The following PRKG1 variants were observed in gnomAD, a reference collection of about 807,000 sequenced individuals.
PRKG1 encodes the protein protein kinase cGMP-dependent 1.
In PRKG1, 35 loss-of-function variants were observed where a neutral mutation model predicts 88.1. The ratio of observed to expected loss-of-function variants is 0.40; its 90% confidence interval spans 0.30 to 0.53. The LOEUF is 0.53. Ranked by LOEUF, PRKG1 falls within the 20% of genes least tolerant of loss-of-function variation. The pLI is 0.59. For missense variants in PRKG1, 540 were observed against 839.8 expected (o/e 0.64, Z 4.41); for synonymous variants, 303 against 292.5 (o/e 1.04, Z -0.37).
chr10:51,825,971 G>C (rs565954436), intron 4 of PRKG1, among the ~76,000 whole-genome samples: 3 of 152,156 alleles, frequency 2.0e-5, no homozygotes, highest in Admixed American at 2.0e-4. Context: ...GGAGAAGCAG[G>C]TGGGTTTACA....
At chr10:51,508,741 T>C (rs1841304585) in intron 3 of PRKG1, among the ~76,000 whole-genome samples, 1 of 152,142 alleles carries the variant, frequency 6.6e-6, no homozygotes, top group Non-Finnish European at 1.5e-5. Flanking sequence ...GTTAATTCAA[T>C]GTGATTGAAA....
At chr10:51,990,751 G>C (rs985577490) in intron 5 of PRKG1, among the ~76,000 whole-genome samples, 114 of 152,078 alleles carry the variant, frequency 7.5e-4, no homozygotes, top group Non-Finnish European at 1.9e-4. Context: ...TCCAGTGTCT[G>C]TTGTTCCTCT....
intron 12 of PRKG1, 38 bp from the exon 13 acceptor site, chr10:52,280,751 A>T: frequency 1.9e-6 from 3 of 1,591,232 alleles, no homozygotes; most frequent in Non-Finnish European, 2.6e-6. Context: ...ACAGAAATTA[A>T]TTTTTTATAC....
chr10:51,194,565 C>T (rs1007372117), intron 2 of PRKG1, among the ~76,000 whole-genome samples: 1 of 152,008 alleles, frequency 6.6e-6, no homozygotes. Flanking sequence ...AAATGAGTTT[C>T]AACAGTCCTA....
At position 51,074,788 on chromosome 10, in the gene PRKG1, C is replaced by A; in HGVS notation, c.198C>A (p.Ser66Arg). The A allele has an allele frequency of 1.2e-6, 2 of 1,613,972 alleles. No individual in the cohort carries two copies. The highest frequency in any genetic ancestry group is 2.2e-5 in the South Asian group (2 of 91,060). Residue 66 changes from serine (S) to arginine (R), a missense_variant, in exon 1 of 18, where the codon AGC becomes AGA. Transcript: ENST00000373980. ...AGCAGGCGCAGAAGCAGAGCGCGAG[C>A]ACCTTGCAGGGCGAGCCGCGCACCA... ...ATQQAQKQSA[S>R]TLQGEPRTKR...
intron 2 of PRKG1, among the ~76,000 whole-genome samples, chr10:51,281,669 C>CT (rs1840301565): frequency 6.6e-6 from 1 of 152,154 alleles, no homozygotes; most frequent in South Asian, 2.1e-4. Context: ...CCTCTGCAGA[C>CT]TTAAGTGTCC....
chr10:51,951,794 A>T (rs1210149827), intron 5 of PRKG1, among the ~76,000 whole-genome samples: 1 of 152,204 alleles, frequency 6.6e-6, no homozygotes, highest in Non-Finnish European at 1.5e-5. Context: ...TCTAAGAGAA[A>T]GGTAACTGGA....
intron 1 of PRKG1, among the ~76,000 whole-genome samples, chr10:51,100,776 A>C (rs1844659745): frequency 6.6e-6 from 1 of 152,196 alleles, no homozygotes; most frequent in Admixed American, 6.5e-5. Flanking sequence ...GTAGACTCTT[A>C]AAGGAAGATG....
At chr10:51,402,302 A>G (rs748851906) in intron 2 of PRKG1, among the ~76,000 whole-genome samples, 4 of 152,160 alleles carry the variant, frequency 2.6e-5, no homozygotes, top group Admixed American at 6.6e-5. Context: ...GGCAAAATCT[A>G]TTTTCTCCAT....
chr10:51,411,506 T>G (rs1230854584), intron 2 of PRKG1, among the ~76,000 whole-genome samples: 2 of 152,174 alleles, frequency 1.3e-5, no homozygotes, highest in African/African-American at 4.8e-5. Context: ...TCTGCCCGTG[T>G]GTGGGAGAAT....
At position 51,353,977 on chromosome 10, in the gene PRKG1, G is replaced by C. The variant is rs944288204; in HGVS notation, c.479-113746G>C. Among the ~76,000 whole-genome samples, 4 of 152,204 alleles carry C rather than the reference G, an allele frequency of 2.6e-5. No individual in the cohort carries two copies. The East Asian group carries it at 7.7e-4, about 29-fold the overall frequency. ...ACTATTCCACCATAAAAAGGAATGA[G>C]ATCCAGTCATTTACAACAACATGGA... On this transcript the variant is annotated intron_variant, in intron 2 of 17. Coordinates refer to ENST00000373980, the MANE Select transcript of PRKG1 (RefSeq NM_006258.4).
intron 5 of PRKG1, among the ~76,000 whole-genome samples, chr10:52,004,234 G>A (rs1430866929): frequency 6.6e-6 from 1 of 152,082 alleles, no homozygotes; most frequent in Non-Finnish European, 1.5e-5. Flanking sequence ...TTGTTTTTGT[G>A]TGTGTTTGTT....
chr10:51,186,156 T>C (rs1300888091), intron 2 of PRKG1, among the ~76,000 whole-genome samples: 2 of 151,954 alleles, frequency 1.3e-5, no homozygotes, highest in East Asian at 3.9e-4. Context: ...CTACTTGTAA[T>C]TTTCTGGTTG....
rs1554849265 is a variant in PRKG1, at chr10:51,229,941, A to AAAAAAAAG, written c.478+76617_478+76624dup. ...GAGGCGATCTCAAAAAAAAAAAAAA[A>AAAAAAAAG]AAAAAAAGAAAAAGAAAAAAGAAAG... On this transcript the variant is annotated intron_variant, in intron 2 of 17. Transcript: ENST00000373980. Among the ~76,000 whole-genome samples the AAAAAAAAG allele has an allele frequency of 6.5e-3, 877 of 135,494 alleles. 24 individuals carry two copies. Among genetic ancestry groups the AAAAAAAAG allele is most frequent in the Middle Eastern group, 0.012 (3 of 260 alleles). The allele number at this position is 135,494 out of a possible 152,430, so 88.9% of individuals were successfully genotyped here.
At chr10:51,129,123 G>A (rs958166156) in intron 1 of PRKG1, among the ~76,000 whole-genome samples, 8 of 152,130 alleles carry the variant, frequency 5.3e-5, no homozygotes, top group African/African-American at 1.2e-4. Context: ...TTTTATATGC[G>A]TCATCTCAGT....
intron 3 of PRKG1, among the ~76,000 whole-genome samples, chr10:51,594,928 A>G (rs145246318): frequency 3.3e-5 from 5 of 152,366 alleles, no homozygotes; most frequent in Non-Finnish European, 7.3e-5. Context: ...TGGATTAGAA[A>G]AAAAATAAAT....
chr10:52,036,078 C>A (rs956313528), intron 5 of PRKG1, among the ~76,000 whole-genome samples: 4 of 152,076 alleles, frequency 2.6e-5, no homozygotes, highest in Non-Finnish European at 2.9e-5. Flanking sequence ...AGATAGGTAA[C>A]AGATGAGGAA....
chr10:51,198,538 A>C (rs1168993074), intron 2 of PRKG1, among the ~76,000 whole-genome samples: 4 of 152,364 alleles, frequency 2.6e-5, no homozygotes, highest in Middle Eastern at 3.4e-3. Flanking sequence ...TCTTAAAAAC[A>C]GTGTTGTATT....
chr10:51,060,059 G>A (rs954301543), intron 1 of PRKG1, among the ~76,000 whole-genome samples: 2 of 151,892 alleles, frequency 1.3e-5, no homozygotes, highest in African/African-American at 4.8e-5. Context: ...ATTATTAAGA[G>A]ATATCCCTTT....
Sources: allele counts gnomAD v4.1 joint callset (sites outside exome capture counted in the v4.1 genomes callset), GRCh38; gene constraint gnomAD v4.1.1; transcripts MANE v1.5; gene names NCBI Gene and HGNC (gene_info 2026-07-23, HGNC 2026-07-21).